The following PEAK1 variants were observed in gnomAD, a reference collection of about 807,000 sequenced individuals.
PEAK1 encodes inactive tyrosine-protein kinase PEAK1.
Under a neutral mutation model 124.7 loss-of-function variants are expected in PEAK1, and 54 were observed. That is an observed-to-expected ratio of 0.43 (90% confidence interval 0.35 to 0.54). The LOEUF is 0.54. Ranked by LOEUF, PEAK1 falls within the 20% of genes least tolerant of loss-of-function variation. The pLI, the probability that PEAK1 is intolerant of heterozygous loss-of-function variation, is 0.01. For missense variants in PEAK1, 2,046 were observed against 2,134.5 expected (o/e 0.96, Z 0.82); for synonymous variants, 719 against 760.0 (o/e 0.95, Z 0.89).
intron 9 of PEAK1, among the ~76,000 whole-genome samples, chr15:77,129,993 C>T (rs2052720636): frequency 6.6e-6 from 1 of 152,132 alleles, no homozygotes; most frequent in South Asian, 2.1e-4. Context: ...TTAAAAGAGA[C>T]ATTTATATTT....
intron 3 of PEAK1, among the ~76,000 whole-genome samples, chr15:77,285,744 TTCTC>T (rs1339646574): frequency 6.6e-6 from 1 of 152,170 alleles, no homozygotes; most frequent in Non-Finnish European, 1.5e-5. Context: ...TATTTGATTC[TTCTC>T]TCTTTTCTTC....
chr15:77,259,654 T>A (rs2061339565), intron 5 of PEAK1, among the ~76,000 whole-genome samples: 1 of 152,110 alleles, frequency 6.6e-6, no homozygotes, highest in Non-Finnish European at 1.5e-5. Flanking sequence ...TCCAGGATGA[T>A]CCTCTCACCA....
chr15:77,264,905 A>C (rs113066802), intron 5 of PEAK1, among the ~76,000 whole-genome samples: 1 of 152,104 alleles, frequency 6.6e-6, no homozygotes, highest in Admixed American at 6.5e-5. Context: ...ACCAAAACAG[A>C]GATATAGATC....
chr15:77,344,101 T>G (rs1329681831), intron 2 of PEAK1, among the ~76,000 whole-genome samples: 1 of 152,148 alleles, frequency 6.6e-6, no homozygotes, highest in East Asian at 1.9e-4. Context: ...TGTCTGTTTT[T>G]TTGTTTTTTT....
chr15:77,418,128 G>A (rs1160373628), intron 1 of PEAK1: 2 of 983,690 alleles, frequency 2.0e-6, no homozygotes, highest in African/African-American at 1.7e-5. Context: ...ACATTATTGT[G>A]AAAGTTTCTG....
chr15:77,142,754 C>A (rs2053885687), intron 8 of PEAK1, among the ~76,000 whole-genome samples: 2 of 152,060 alleles, frequency 1.3e-5, no homozygotes, highest in Admixed American at 6.5e-5. Context: ...TTATATGATT[C>A]CACTTATATG....
chr15:77,198,710 T>G (rs2058223617), intron 6 of PEAK1, among the ~76,000 whole-genome samples: 2 of 152,152 alleles, frequency 1.3e-5, no homozygotes, highest in African/African-American at 4.8e-5. Flanking sequence ...CAAGAAAAAG[T>G]GAGGTCATTA....
chr15:77,315,155 A>C (rs1433802831), intron 2 of PEAK1, among the ~76,000 whole-genome samples: 1 of 152,226 alleles, frequency 6.6e-6, no homozygotes, highest in Non-Finnish European at 1.5e-5. Flanking sequence ...TTTAGAAACA[A>C]TTTGACTTTT....
intron 2 of PEAK1, among the ~76,000 whole-genome samples, chr15:77,304,378 C>G (rs1011553101): frequency 1.3e-5 from 2 of 150,148 alleles, no homozygotes; most frequent in African/African-American, 4.9e-5. Context: ...CTATAGATAT[C>G]TGTACGTATA....
chr15:77,128,495 G>A (rs1335067069), intron 9 of PEAK1, among the ~76,000 whole-genome samples: 2 of 152,216 alleles, frequency 1.3e-5, no homozygotes, highest in African/African-American at 4.8e-5. Context: ...GGATAACCAT[G>A]ACCAGTGCCT....
chr15:77,158,248 T>C, intron 8 of PEAK1: 1 of 420,220 alleles, frequency 2.4e-6, no homozygotes, highest in Non-Finnish European at 4.3e-6. Flanking sequence ...AGTTCACCTC[T>C]TTCCCCCCAG....
At chr15:77,406,287 A>G (rs2071812006) in intron 1 of PEAK1, among the ~76,000 whole-genome samples, 1 of 152,222 alleles carries the variant, frequency 6.6e-6, no homozygotes, top group Non-Finnish European at 1.5e-5. Context: ...CAGAGCAACC[A>G]GATAAGAGAA....
intron 2 of PEAK1, among the ~76,000 whole-genome samples, chr15:77,300,023 C>A (rs550978888): frequency 1.3e-4 from 20 of 152,316 alleles, no homozygotes; most frequent in African/African-American, 4.6e-4. Context: ...ATTCTTCGAG[C>A]TCTACTTTAC....
intron 6 of PEAK1, among the ~76,000 whole-genome samples, chr15:77,182,749 C>CAA (rs71143395): frequency 4.6e-5 from 3 of 65,128 alleles, no homozygotes; most frequent in East Asian, 5.1e-4. Flanking sequence ...GACCTTGTCT[C>CAA]AAAAAAAAAA....
At chr15:77,348,375 C>T (rs1597388980) in intron 2 of PEAK1, 1 of 898,710 alleles carries the variant, frequency 1.1e-6, no homozygotes, top group Non-Finnish European at 1.3e-6. Context: ...GGAATCCCAT[C>T]TTATTATTTG....
intron 2 of PEAK1, among the ~76,000 whole-genome samples, chr15:77,306,469 T>C (rs1031350803): frequency 6.6e-6 from 1 of 152,210 alleles, no homozygotes; most frequent in Non-Finnish European, 1.5e-5. Flanking sequence ...GATACTTTCC[T>C]ATGCCAATCA....
chr15:77,179,280 C>T lies in PEAK1; in HGVS notation c.2647G>A (p.Gly883Ser), dbSNP rs2057085932. 1 of 1,614,062 alleles carries T rather than the reference C, an allele frequency of 6.2e-7. No homozygotes were observed. Among genetic ancestry groups the T allele is most frequent in the Non-Finnish European group, 8.5e-7 (1 of 1,180,018 alleles). Residue 883 changes from glycine to serine, a missense_variant, in exon 7 of 10, where the codon GGT becomes AGT. Physicochemically the swap from Gly to Ser is moderately conservative, Grantham distance 56 (BLOSUM62 0). Coordinates refer to ENST00000682557, the MANE Select transcript of PEAK1 (RefSeq NM_001385026.1). Reference protein sequence around the residue: ...PRSTSSPYHAGNLLQRHFTNW... With the variant: ...PRSTSSPYHASNLLQRHFTNW... ...GTGAAATGCCTCTGCAAAAGGTTAC[C>T]TGCATGGTAAGGAGAAGAAGTAGAG... is the stretch of plus-strand genomic sequence containing the variant.
chr15:77,151,514 A>G (rs2054622167), intron 8 of PEAK1, among the ~76,000 whole-genome samples: 1 of 152,120 alleles, frequency 6.6e-6, no homozygotes, highest in Admixed American at 6.6e-5. Flanking sequence ...CTTTAGTTTA[A>G]TTAGATCCCA....
rs781120987 is a variant in PEAK1, at chr15:77,181,133, C to T, written c.794G>A (p.Arg265His). 12 of 1,614,068 alleles carry T rather than the reference C, an allele frequency of 7.4e-6. No individual in the cohort carries two copies. Among genetic ancestry groups the T allele is most frequent in the African/African-American group, 5.3e-5 (4 of 74,942 alleles). The change falls in exon 7 of 10, where the codon CGC becomes CAC. Residue 265 changes from arginine to histidine, a missense_variant. Arg to His is a conservative substitution (Grantham distance 29, BLOSUM62 0). Coordinates refer to ENST00000682557, the MANE Select transcript of PEAK1 (RefSeq NM_001385026.1). ...SDEELLAMEI[R>H]MRGQPRFANF... ...GGCAAAGCGAGGTTGCCCTCTCATG[C>T]GAATCTCCATGGCCAACAGCTCTTC... is the stretch of plus-strand genomic sequence containing the variant.
Sources: allele counts gnomAD v4.1 joint callset (sites outside exome capture counted in the v4.1 genomes callset), GRCh38; gene constraint gnomAD v4.1.1; transcripts MANE v1.5; gene names NCBI Gene and HGNC (gene_info 2026-07-23, HGNC 2026-07-21).